MAMDC2: variants seen among roughly 807,000 people sequenced by gnomAD.
MAMDC2 encodes the protein MAM domain containing 2, also known as MAM domain-containing protein 2.
Under a neutral mutation model 89.8 loss-of-function variants are expected in MAMDC2, and 57 were observed. The observed-to-expected ratio is 0.63, with a 90% confidence interval of 0.51 to 0.79. The LOEUF (loss-of-function observed/expected upper bound fraction) is 0.79, where lower values mean the gene tolerates loss of function less well. MAMDC2 is among the 30% of genes least tolerant of loss of function. The pLI is 0.00. For missense variants in MAMDC2, 800 were observed against 820.6 expected, an observed-to-expected ratio of 0.97 and a Z score of 0.31; for synonymous variants, 313 against 293.4, an observed-to-expected ratio of 1.07 and a Z score of -0.68.
chr9:70,117,153 C>T (rs2030042565), intron 5 of MAMDC2, among the ~76,000 whole-genome samples: 1 of 152,156 alleles, frequency 6.6e-6, no homozygotes, highest in African/African-American at 2.4e-5. Context: ...ATTATTCATT[C>T]CTTCACTCAT....
intron 11 of MAMDC2, among the ~76,000 whole-genome samples, chr9:70,205,606 C>T (rs2033208163): frequency 6.6e-6 from 1 of 152,146 alleles, no homozygotes; most frequent in Admixed American, 6.5e-5. Context: ...CTGTGTGTCT[C>T]AACACATCAC....
At chr9:70,072,724 G>T (rs1335938650) in intron 2 of MAMDC2, among the ~76,000 whole-genome samples, 3 of 151,902 alleles carry the variant, frequency 2.0e-5, no homozygotes, top group Admixed American at 2.0e-4. Context: ...CTAAATAATT[G>T]TGTCTATCTC....
Position 70,226,240 on chromosome 9 carries a change from G to T in MAMDC2, c.*208G>T. 1 of 383,224 alleles carries T rather than the reference G, an allele frequency of 2.6e-6. No homozygotes were observed. The allele number at this position is 383,224 out of a possible 1,614,324, so 23.7% of individuals were successfully genotyped here. The stretch of plus-strand genomic sequence containing the variant: ...TATGACAACTGTTACTAGAAATACA[G>T]GCTACTGGTTTTGCATAGATCATTC... On this transcript the variant is annotated 3_prime_UTR_variant, in exon 14 of 14. Transcript: ENST00000377182.
chr9:70,152,597 C>T (rs1448287585), intron 9 of MAMDC2, among the ~76,000 whole-genome samples: 10 of 152,112 alleles, frequency 6.6e-5, no homozygotes, highest in Admixed American at 5.2e-4. Flanking sequence ...TCCCAGCCCT[C>T]GCCTGGCTAA....
chr9:70,196,456 G>T (rs2032976829), intron 11 of MAMDC2, among the ~76,000 whole-genome samples: 1 of 152,102 alleles, frequency 6.6e-6, no homozygotes, highest in African/African-American at 2.4e-5. Context: ...ACAAAATGTT[G>T]CAACAGAAAG....
At chr9:70,059,997 G>A (rs1429171056) in intron 2 of MAMDC2, among the ~76,000 whole-genome samples, 1 of 152,198 alleles carries the variant, frequency 6.6e-6, no homozygotes, top group Non-Finnish European at 1.5e-5. Flanking sequence ...TGGTTGAAAT[G>A]TTAGCTTCTC....
chr9:70,050,658 A>C (rs1826873455), intron 2 of MAMDC2, among the ~76,000 whole-genome samples: 1 of 152,236 alleles, frequency 6.6e-6, no homozygotes, highest in South Asian at 2.1e-4. Context: ...GTCTTTTATC[A>C]ACATCATAAA....
intron 12 of MAMDC2, among the ~76,000 whole-genome samples, chr9:70,220,474 G>C (rs2033534714): frequency 6.6e-6 from 1 of 152,118 alleles, no homozygotes; most frequent in South Asian, 2.1e-4. Flanking sequence ...ATGATGCCAG[G>C]GAGACCAGGC....
At chr9:70,190,929 A>C (rs564045453) in intron 11 of MAMDC2, among the ~76,000 whole-genome samples, 1 of 152,174 alleles carries the variant, frequency 6.6e-6, no homozygotes, top group Admixed American at 6.6e-5. Context: ...AGGGAGCTCC[A>C]AATCTGTTCT....
chr9:70,198,751 G>C (rs185679766), intron 11 of MAMDC2, among the ~76,000 whole-genome samples: 140 of 152,158 alleles, frequency 9.2e-4, no homozygotes, highest in African/African-American at 3.2e-3. Context: ...ATGCTAATAA[G>C]TAAAGGTAGA....
At chr9:70,149,045 A>T (rs4991492) in intron 9 of MAMDC2, among the ~76,000 whole-genome samples, 5,327 of 95,750 alleles carry the variant, frequency 0.056, 273 homozygotes, top group East Asian at 0.17. Context: ...AAAAAAAAAA[A>T]TTTTTTTTTT....
At chr9:70,197,052 G>T (rs1458997066) in intron 11 of MAMDC2, among the ~76,000 whole-genome samples, 1 of 99,650 alleles carries the variant, frequency 1.0e-5, no homozygotes, top group Non-Finnish European at 2.1e-5. Context: ...TATAAAAAAT[G>T]AAATGAAAAT....
chr9:70,175,677 C>A (rs1319748392), intron 11 of MAMDC2: 4 of 152,172 alleles, frequency 2.6e-5, no homozygotes, highest in African/African-American at 9.7e-5. Flanking sequence ...TAAGGGGGAA[C>A]TACTGTAGTT....
chr9:70,218,424 A>G lies in MAMDC2; in HGVS notation c.1739A>G (p.Lys580Arg). The G allele has an allele frequency of 6.2e-7, 1 of 1,614,228 alleles. No homozygotes were observed. Residue 580 changes from lysine to arginine, a missense_variant, in exon 12 of 14, where the codon AAA becomes AGA. Coordinates refer to ENST00000377182, the MANE Select transcript of MAMDC2 (RefSeq NM_153267.5). ...AGGCCTCTGCGAGGAGTCTCTGGAAAACACTGCTTGACCTTTTTCTACCAC... is the reference window on the plus strand; with the variant it reads ...AGGCCTCTGCGAGGAGTCTCTGGAAGACACTGCTTGACCTTTTTCTACCAC... ...LSRPLRGVSG[K>R]HCLTFFYHMY...
At chr9:70,072,700 A>G (rs1377122393) in intron 2 of MAMDC2, among the ~76,000 whole-genome samples, 1 of 152,104 alleles carries the variant, frequency 6.6e-6, no homozygotes, top group Non-Finnish European at 1.5e-5. Flanking sequence ...ATGAGACTGT[A>G]TTGTCTCTTT....
chr9:70,170,715 G>T, intron 11 of MAMDC2, 84 bp downstream of exon 11: 1 of 1,296,266 alleles, frequency 7.7e-7, no homozygotes, highest in East Asian at 2.5e-5. Context: ...TTTGAAATGT[G>T]CAAAATTATG....
intron 2 of MAMDC2, among the ~76,000 whole-genome samples, chr9:70,045,371 G>A (rs1317321888): frequency 6.6e-6 from 1 of 152,106 alleles, no homozygotes; most frequent in Non-Finnish European, 1.5e-5. Context: ...GTGTCATCTT[G>A]CCTTTATATA....
Position 70,148,557 on chromosome 9 carries a change from C to T in MAMDC2, c.1404+4738C>T, listed in dbSNP as rs138974847. ...TCAATAATTGTCTGTTGACTGATTG[C>T]CACATTCTGACTTTTGAGCAGGGGT... On this transcript the variant is annotated intron_variant, in intron 9 of 13. Transcript: ENST00000377182. Among the ~76,000 whole-genome samples the T allele has an allele frequency of 3.9e-3, 593 of 150,350 alleles. 43 individuals are homozygous for T. Among genetic ancestry groups the T allele is most frequent in the African/African-American group, 0.014 (550 of 40,678 alleles).
chr9:70,204,505 TTTTG>T (rs1347065518), intron 11 of MAMDC2, among the ~76,000 whole-genome samples: 5 of 148,900 alleles, frequency 3.4e-5, no homozygotes, highest in Non-Finnish European at 7.5e-5. Flanking sequence ...ACTGCTGTCT[TTTTG>T]TTTGTCTGTG....
Sources: gnomAD v4.1 joint callset for allele counts (sites outside exome capture counted in the v4.1 genomes callset) on GRCh38, gnomAD v4.1.1 for gene constraint, MANE v1.5 for transcripts, NCBI Gene and HGNC (gene_info 2026-07-23, HGNC 2026-07-21) for gene names.